The following MARK1 variants were observed in gnomAD, a reference collection of about 807,000 sequenced individuals.
The protein encoded by MARK1 is microtubule affinity regulating kinase 1.
Under a neutral mutation model 96.3 loss-of-function variants are expected in MARK1, and 40 were observed. The ratio of observed to expected loss-of-function variants is 0.42; its 90% confidence interval spans 0.32 to 0.54. MARK1 has a LOEUF of 0.54. Ranked by LOEUF, MARK1 falls within the 20% of genes least tolerant of loss-of-function variation. MARK1 has a pLI of 0.16. For synonymous variants in MARK1, 317 were observed against 341.2 expected, an observed-to-expected ratio of 0.93 and a Z score of 0.78; for missense variants, 719 against 984.6, an observed-to-expected ratio of 0.73 and a Z score of 3.61.
intron 1 of MARK1, among the ~76,000 whole-genome samples, chr1:220,548,915 T>C (rs1661680665): frequency 6.6e-6 from 1 of 152,166 alleles, no homozygotes; most frequent in Non-Finnish European, 1.5e-5. Flanking sequence ...TTTAGGTAAG[T>C]GTTTTCTTTT....
rs575005809 is a variant in MARK1 at position 220,590,783 on chromosome 1, A to T, written c.310-7548A>T. On this transcript the variant is annotated intron_variant, in intron 3 of 17. Coordinates refer to ENST00000366917, the MANE Select transcript of MARK1 (RefSeq NM_018650.5). ...CAACTGCCTATCATTTTTAGTCAAC[A>T]CACACCCAAACCCACGCACATCTTC... Among the ~76,000 whole-genome samples, 4 of 152,172 alleles carry T rather than the reference A, an allele frequency of 2.6e-5. No individual in the cohort carries two copies. The East Asian group carries it at 7.7e-4, about 29-fold the overall frequency.
At chr1:220,584,503 C>T (rs1286845132) in intron 3 of MARK1, among the ~76,000 whole-genome samples, 1 of 152,148 alleles carries the variant, frequency 6.6e-6, no homozygotes, top group Non-Finnish European at 1.5e-5. Context: ...CAAGTTACCG[C>T]TCGTGTCTGG....
chr1:220,621,904 C>T (rs935161542), intron 9 of MARK1, among the ~76,000 whole-genome samples: 3 of 152,094 alleles, frequency 2.0e-5, no homozygotes, highest in African/African-American at 4.8e-5. Context: ...CTTAAAGACT[C>T]ATAAGTTAAA....
intron 6 of MARK1, among the ~76,000 whole-genome samples, chr1:220,608,863 G>A (rs1275352047): frequency 6.6e-6 from 1 of 152,216 alleles, no homozygotes; most frequent in Non-Finnish European, 1.5e-5. Flanking sequence ...TAGTTGTGCG[G>A]TTTTGAGTGA....
At chr1:220,633,732 AATAAGAG>A (rs1406220931) in intron 11 of MARK1, among the ~76,000 whole-genome samples, 1 of 152,218 alleles carries the variant, frequency 6.6e-6, no homozygotes, top group African/African-American at 2.4e-5. Context: ...ACCAGTTGGA[AATAAGAG>A]ATAAGAGCCC....
At chr1:220,623,083 A>G (rs908605554) in intron 9 of MARK1, among the ~76,000 whole-genome samples, 2 of 152,142 alleles carry the variant, frequency 1.3e-5, no homozygotes, top group Non-Finnish European at 2.9e-5. Flanking sequence ...CTAGTTTCTC[A>G]TGAGATACCT....
At position 220,580,618 on chromosome 1, in the gene MARK1, G is replaced by A. The variant is rs79094405; in HGVS notation, c.256-447G>A. On this transcript the variant is annotated intron_variant, in intron 2 of 17. Transcript: ENST00000366917. Reference sequence around the variant, plus strand: ...AGCCATTCAGAGGCAGGGAATACTGGGCAGAGCCTTAGATATTCAAGTCCA... The same window carrying A: ...AGCCATTCAGAGGCAGGGAATACTGAGCAGAGCCTTAGATATTCAAGTCCA... Among the ~76,000 whole-genome samples the A allele has an allele frequency of 8.6e-3, 1,305 of 152,252 alleles. 16 individuals are homozygous for A. Among genetic ancestry groups the A allele is most frequent in the African/African-American group, 0.029 (1,194 of 41,526 alleles).
intron 12 of MARK1, 102 bp downstream of exon 12, chr1:220,635,631 A>T: frequency 1.5e-6 from 2 of 1,315,536 alleles, no homozygotes; most frequent in Non-Finnish European, 2.1e-6. Context: ...TGTGTTATCT[A>T]GTTCTCACAG....
intron 17 of MARK1, among the ~76,000 whole-genome samples, chr1:220,659,497 A>T (rs147252907): frequency 6.4e-4 from 98 of 152,286 alleles, no homozygotes; most frequent in Non-Finnish European, 1.1e-3. Context: ...TAACTGCCTC[A>T]TAGGGTTGTT....
intron 13 of MARK1, among the ~76,000 whole-genome samples, chr1:220,646,884 A>C (rs1668605782): frequency 6.6e-6 from 1 of 152,212 alleles, no homozygotes; most frequent in Admixed American, 6.5e-5. Flanking sequence ...CTTTCCTTAT[A>C]CCTTATACAA....
chr1:220,581,371 A>G (rs1194811195), intron 3 of MARK1, among the ~76,000 whole-genome samples: 1 of 152,194 alleles, frequency 6.6e-6, no homozygotes, highest in East Asian at 1.9e-4. Flanking sequence ...ACCTTGTGTC[A>G]TACATTTTGA....
chr1:220,587,299 T>C (rs867185369), intron 3 of MARK1, among the ~76,000 whole-genome samples: 174 of 143,542 alleles, frequency 1.2e-3, no homozygotes, highest in Middle Eastern at 3.6e-3. Flanking sequence ...CTTCCTTCCT[T>C]CCTCCCTCCC....
intron 16 of MARK1, 48 bp downstream of exon 16, chr1:220,653,400 A>AG: frequency 6.4e-7 from 1 of 1,565,368 alleles, no homozygotes; most frequent in Non-Finnish European, 8.7e-7. Flanking sequence ...GAAATTATAA[A>AG]GGAAACTAGA....
chr1:220,633,072 G>A (rs996782599), intron 11 of MARK1, among the ~76,000 whole-genome samples: 1 of 152,076 alleles, frequency 6.6e-6, no homozygotes, highest in African/African-American at 2.4e-5. Flanking sequence ...AGAGGTGGGG[G>A]AGGTGCCACG....
chr1:220,635,184 C>T (rs557237944), intron 11 of MARK1, among the ~76,000 whole-genome samples, 192 bp from the exon 12 acceptor site: 12 of 152,170 alleles, frequency 7.9e-5, no homozygotes, highest in African/African-American at 2.4e-4. Flanking sequence ...GTCACTAAAG[C>T]GTATTCTATC....
At position 220,543,394 on chromosome 1, in the gene MARK1, A is replaced by G. The variant is rs1011085466; in HGVS notation, c.51+14521A>G. Among the ~76,000 whole-genome samples, 13 of 152,352 alleles carry G rather than the reference A, an allele frequency of 8.5e-5. 1 individual carries two copies. The East Asian group carries it at 1.5e-3, about 18-fold the overall frequency. ...AAAGTTTGTACCATTAGAATTCAAT[A>G]TATTTCCAAAAATTTTTATACTATA... is the stretch of plus-strand genomic sequence containing the variant. On this transcript the variant is annotated intron_variant, in intron 1 of 17. Transcript: ENST00000366917.
At position 220,565,625 on chromosome 1, in the gene MARK1, G is replaced by A. The variant is rs115713432; in HGVS notation, c.52-13729G>A. 3.6e-3 allele frequency among the ~76,000 whole-genome samples: 541 copies of A among 152,192 alleles called. 2 individuals are homozygous for A. The highest frequency in any genetic ancestry group is 0.012 in the African/African-American group (515 of 41,526). On this transcript the variant is annotated intron_variant, in intron 1 of 17. Transcript: ENST00000366917. ...TAACTGGGAGTGGGGAGGAAACAAA[G>A]GCTTCCCTAGCCCAAAAGCTCAGGC...
intron 9 of MARK1, among the ~76,000 whole-genome samples, chr1:220,629,629 A>G (rs924983392): frequency 2.6e-5 from 4 of 152,300 alleles, no homozygotes; most frequent in East Asian, 3.9e-4. Flanking sequence ...CAGCCCCAGC[A>G]ATCACCATTC....
chr1:220,551,914 A>G (rs1216432769), intron 1 of MARK1, among the ~76,000 whole-genome samples: 1 of 152,132 alleles, frequency 6.6e-6, no homozygotes, highest in Non-Finnish European at 1.5e-5. Context: ...AAGTAACCCA[A>G]GCCTTCATTC....
Sources: gnomAD v4.1 joint callset for allele counts (sites outside exome capture counted in the v4.1 genomes callset) on GRCh38, gnomAD v4.1.1 for gene constraint, MANE v1.5 for transcripts, NCBI Gene and HGNC (gene_info 2026-07-23, HGNC 2026-07-21) for gene names.